Variants in SPECC1 observed in about 807,000 individuals in gnomAD.
SPECC1 encodes the protein sperm antigen with calponin homology and coiled-coil domains 1, also known as cytospin-B.
SPECC1 carries 62 observed loss-of-function variants against 104.1 expected under a neutral mutation model. That is an observed-to-expected ratio of 0.60 (90% confidence interval 0.49 to 0.74). The LOEUF (loss-of-function observed/expected upper bound fraction) is 0.74, where lower values mean the gene tolerates loss of function less well. Among genes scored for constraint, SPECC1 ranks in the 30% least tolerant of loss-of-function variants. The pLI is 0.00. For missense variants in SPECC1, 1,306 were observed against 1,310.5 expected (o/e 1.00, Z 0.05); for synonymous variants, 513 against 501.6 (o/e 1.02, Z -0.30).
intron 3 of SPECC1, among the ~76,000 whole-genome samples, chr17:20,189,655 G>A (rs1054583841): frequency 1.1e-4 from 16 of 152,114 alleles, no homozygotes; most frequent in African/African-American, 3.9e-4. Flanking sequence ...CCCCTTCTTA[G>A]TGTTAGGGGG....
intron 3 of SPECC1, among the ~76,000 whole-genome samples, chr17:20,114,572 G>A (rs2152528010): frequency 6.6e-6 from 1 of 151,932 alleles, no homozygotes; most frequent in Non-Finnish European, 1.5e-5. Context: ...TAGAGGAAGG[G>A]CCTGTATCTC....
Position 20,317,568 on chromosome 17 carries a change from G to GT in SPECC1, c.*3509dup, listed in dbSNP as rs902965833. ...GCCACCGCGCCTGGCCCAAAATTTT[G>GT]TTTTTTAATTAGCTGGGTACAATGA... On this transcript the variant is annotated 3_prime_UTR_variant, in exon 15 of 15. Transcript: ENST00000395527. 19 of 190,668 alleles carry GT rather than the reference G, an allele frequency of 1.0e-4. No homozygotes were observed. Among genetic ancestry groups the GT allele is most frequent in the South Asian group, 2.0e-4 (1 of 5,126 alleles). 11.8% of individuals were successfully genotyped at this position (190,668 alleles called of 1,614,324 possible).
At chr17:20,189,702 G>A (rs1192302237) in intron 3 of SPECC1, among the ~76,000 whole-genome samples, 1 of 152,150 alleles carries the variant, frequency 6.6e-6, no homozygotes, top group East Asian at 1.9e-4. Flanking sequence ...CCTCTTTCTG[G>A]AGTGCTGTTC....
chr17:20,277,402 A>T (rs11657161), intron 12 of SPECC1, among the ~76,000 whole-genome samples: 1 of 151,832 alleles, frequency 6.6e-6, no homozygotes, highest in Non-Finnish European at 1.5e-5. Flanking sequence ...TTTTTTTTAA[A>T]ATGATGCTGC....
At chr17:20,172,278 A>T (rs1036482884) in intron 3 of SPECC1, among the ~76,000 whole-genome samples, 1 of 152,130 alleles carries the variant, frequency 6.6e-6, no homozygotes, top group Non-Finnish European at 1.5e-5. Flanking sequence ...GTTACAGCTG[A>T]TCCTCCATGG....
intron 1 of SPECC1, among the ~76,000 whole-genome samples, chr17:20,055,132 T>C (rs2045914038): frequency 6.6e-6 from 1 of 152,224 alleles, no homozygotes; most frequent in Admixed American, 6.5e-5. Context: ...TACTCTTTGA[T>C]TCTATGAATT....
intron 3 of SPECC1, among the ~76,000 whole-genome samples, chr17:20,200,898 A>AG (rs1452482485): frequency 6.6e-6 from 1 of 152,040 alleles, no homozygotes; most frequent in Admixed American, 6.6e-5. Flanking sequence ...AGTAAAAAAA[A>AG]AAAAAAAGGA....
At chr17:20,098,403 C>G (rs1157400256) in intron 2 of SPECC1, among the ~76,000 whole-genome samples, 1 of 152,258 alleles carries the variant, frequency 6.6e-6, no homozygotes, top group Non-Finnish European at 1.5e-5. Context: ...GTCATGCCCC[C>G]ACCCTTCTGT....
rs58127201 is a variant in SPECC1, at chr17:20,116,803, C to CTTTTTTTTTTTTT, written c.283+6259_283+6271dup. On this transcript the variant is annotated intron_variant, in intron 3 of 14. Coordinates refer to ENST00000395527, the MANE Select transcript of SPECC1 (RefSeq NM_001243439.2). ...GGGAACAATTGGCAGTGTCTGGAGACTTTTTTTTTTTTTTTTTTTTTTTTT... is the reference window on the plus strand; with the variant it reads ...GGGAACAATTGGCAGTGTCTGGAGACTTTTTTTTTTTTTTTTTTTTTTTTTTTTTTTTTTTTTT... Among the ~76,000 whole-genome samples, 23 of 50,422 alleles carry CTTTTTTTTTTTTT rather than the reference C, an allele frequency of 4.6e-4. 5 individuals are homozygous for CTTTTTTTTTTTTT. Among genetic ancestry groups the CTTTTTTTTTTTTT allele is most frequent in the Admixed American group, 8.9e-4 (3 of 3,368 alleles). 33.1% of individuals were successfully genotyped at this position (50,422 alleles called of 152,430 possible).
chr17:20,255,205 G>A (rs528235526), intron 10 of SPECC1, among the ~76,000 whole-genome samples: 15 of 152,302 alleles, frequency 9.8e-5, no homozygotes, highest in Middle Eastern at 3.4e-3. Flanking sequence ...AAAGGCCAGT[G>A]TAAAGTCAAG....
intron 14 of SPECC1, among the ~76,000 whole-genome samples, chr17:20,313,523 AC>A (rs1179331058): frequency 6.6e-6 from 1 of 152,246 alleles, no homozygotes; most frequent in East Asian, 1.9e-4. Flanking sequence ...GGCAGCCCGC[AC>A]AGTGGCACAG....
chr17:20,181,914 T>A (rs1049079765), intron 3 of SPECC1, among the ~76,000 whole-genome samples: 1 of 152,080 alleles, frequency 6.6e-6, no homozygotes, highest in Non-Finnish European at 1.5e-5. Context: ...GGTGGGTAGA[T>A]ATAATGTTAT....
At chr17:20,229,498 T>C (rs1196132067) in intron 5 of SPECC1, among the ~76,000 whole-genome samples, 1 of 151,782 alleles carries the variant, frequency 6.6e-6, no homozygotes, top group African/African-American at 2.4e-5. Context: ...GACCCTGTCT[T>C]GACAAAAAAA....
rs1567938890 is a variant in SPECC1, at chr17:20,205,604, CTGAA to C, written c.1559_1562del (p.Asn520SerfsTer3). On this transcript the variant is annotated frameshift_variant, in exon 4 of 15. Coordinates refer to ENST00000395527, the MANE Select transcript of SPECC1 (RefSeq NM_001243439.2). LOFTEE classifies it high-confidence loss of function. ...ACGTCTGAAGGAAGAAAATGAAAAA[CTGAA>C]TGAGTTTCTAGAACTGGAACGGCAT... 1 of 1,614,130 alleles carries C rather than the reference CTGAA, an allele frequency of 6.2e-7. No individual in the cohort carries two copies. The highest frequency in any genetic ancestry group is 8.5e-7 in the Non-Finnish European group (1 of 1,180,020).
intron 3 of SPECC1, among the ~76,000 whole-genome samples, chr17:20,116,700 C>G (rs1260449547): frequency 6.6e-6 from 1 of 151,012 alleles, no homozygotes; most frequent in Non-Finnish European, 1.5e-5. Flanking sequence ...GGAGTGGAAA[C>G]CTGAATAAAA....
At chr17:20,017,861 T>A (rs1415962261) in intron 1 of SPECC1, 1 of 152,206 alleles carries the variant, frequency 6.6e-6, no homozygotes, top group African/African-American at 2.4e-5. Flanking sequence ...CTCTAGTAAT[T>A]ATCTTTGCTT....
chr17:20,272,410 A>G (rs75186852), intron 12 of SPECC1, among the ~76,000 whole-genome samples: 15,458 of 151,932 alleles, frequency 0.1, 1,204 homozygotes, highest in East Asian at 0.37. Flanking sequence ...AAAATTTACC[A>G]TCTTAACTAT....
At chr17:20,087,017 A>G (rs1422083002) in intron 1 of SPECC1, 1 of 152,180 alleles carries the variant, frequency 6.6e-6, no homozygotes, top group Non-Finnish European at 1.5e-5. Flanking sequence ...CTAAGTTAGG[A>G]ACAAAGAAGC....
intron 7 of SPECC1, chr17:20,237,788 G>T: frequency 5.2e-6 from 1 of 191,082 alleles, no homozygotes; most frequent in East Asian, 8.3e-5. Flanking sequence ...TGTTGCCCAG[G>T]CTAGAGTGCA....
Sources: allele counts gnomAD v4.1 joint callset (sites outside exome capture counted in the v4.1 genomes callset), GRCh38; gene constraint gnomAD v4.1.1; transcripts MANE v1.5; gene names NCBI Gene and HGNC (gene_info 2026-07-23, HGNC 2026-07-21).